The following ADAM20 variants were observed in gnomAD, a reference collection of about 807,000 sequenced individuals.
ADAM20 encodes the protein disintegrin and metalloproteinase domain-containing protein 20.
For missense variants in ADAM20, 871 were observed against 883.2 expected, an observed-to-expected ratio of 0.99 and a Z score of 0.18; for synonymous variants, 305 against 310.2, an observed-to-expected ratio of 0.98 and a Z score of 0.18.
At chr14:70,570,601 G>A in the ADAM20 span, among the ~76,000 whole-genome samples, 1 of 152,018 alleles carries the variant, frequency 6.6e-6, no homozygotes. Context: ...ACAGACGAAT[G>A]AGTTAGATAA....
the ADAM20 span, among the ~76,000 whole-genome samples, chr14:70,545,333 C>T: frequency 3.3e-5 from 5 of 152,134 alleles, no homozygotes; most frequent in African/African-American, 4.8e-5. Context: ...AATCTGCGCA[C>T]TTGGGAGAGG....
At chr14:70,534,030 C>T (rs537620266) in intron 1 of ADAM20, among the ~76,000 whole-genome samples, 115 of 140,548 alleles carry the variant, frequency 8.2e-4, no homozygotes, top group Admixed American at 1.7e-3. Flanking sequence ...TTGCAGTGAG[C>T]CAAGATTGGG....
the ADAM20 span, among the ~76,000 whole-genome samples, chr14:70,553,606 T>A: frequency 6.7e-6 from 1 of 149,078 alleles, no homozygotes; most frequent in Admixed American, 6.7e-5. Context: ...CCAAGCAGGA[T>A]TTATCACTGG....
the ADAM20 span, among the ~76,000 whole-genome samples, chr14:70,568,271 T>C: frequency 6.6e-6 from 1 of 152,174 alleles, no homozygotes; most frequent in African/African-American, 2.4e-5. Context: ...ACAACCAACG[T>C]ACCCATATAC....
At chr14:70,533,679 G>A (rs1051116120) in intron 1 of ADAM20, among the ~76,000 whole-genome samples, 14 of 151,814 alleles carry the variant, frequency 9.2e-5, no homozygotes, top group African/African-American at 3.4e-4. Flanking sequence ...ATGATGGGTT[G>A]ATGGGTGCAG....
At chr14:70,566,732 C>T in the ADAM20 span, among the ~76,000 whole-genome samples, 1 of 152,132 alleles carries the variant, frequency 6.6e-6, no homozygotes, top group South Asian at 2.1e-4. Context: ...GTAATCACAG[C>T]ATTTTGGGAG....
intron 1 of ADAM20, among the ~76,000 whole-genome samples, chr14:70,534,479 G>A (rs549429244): frequency 2.0e-5 from 3 of 152,070 alleles, no homozygotes; most frequent in Admixed American, 1.3e-4. Context: ...CCCAACAGAC[G>A]CATGGCCCAA....
At chr14:70,569,900 A>C in the ADAM20 span, among the ~76,000 whole-genome samples, 1 of 147,306 alleles carries the variant, frequency 6.8e-6, no homozygotes, top group Admixed American at 6.7e-5. Flanking sequence ...AAAAAAAAAA[A>C]AAAAAAAAAA....
the ADAM20 span, among the ~76,000 whole-genome samples, chr14:70,578,971 A>C: frequency 6.6e-6 from 1 of 152,160 alleles, no homozygotes; most frequent in African/African-American, 2.4e-5. Context: ...TAATTTGCTT[A>C]GGATGATGGC....
chr14:70,547,054 G>A, the ADAM20 span, among the ~76,000 whole-genome samples: 1 of 152,162 alleles, frequency 6.6e-6, no homozygotes, highest in African/African-American at 2.4e-5. Flanking sequence ...GATCATTAGT[G>A]GCTACTATGA....
chr14:70,563,970 A>C, the ADAM20 span, among the ~76,000 whole-genome samples: 1 of 152,226 alleles, frequency 6.6e-6, no homozygotes, highest in African/African-American at 2.4e-5. Context: ...TCCCTCCCCC[A>C]AACTGGCTTA....
chr14:70,523,764 T>C lies in ADAM20; in HGVS notation c.994A>G (p.Arg332Gly). Residue 332 changes from arginine to glycine, a missense_variant, in exon 2 of 2, where the codon AGG becomes GGG. Transcript: ENST00000256389. The stretch of plus-strand genomic sequence containing the variant: ...AAAGTAATTGCAAAAACGACCAACC[T>C]GTTGTCTTCAAAAACATCAACTCCA... Reference protein sequence around the residue: ...NTGVDVFEDNRLVVFAITLGH... With the variant: ...NTGVDVFEDNGLVVFAITLGH... 1.2e-6 allele frequency: 2 copies of C among 1,614,082 alleles called. No homozygotes were observed. The highest frequency in any genetic ancestry group is 1.7e-6 in the Non-Finnish European group (2 of 1,179,970).
At chr14:70,554,987 T>C in the ADAM20 span, among the ~76,000 whole-genome samples, 2 of 152,184 alleles carry the variant, frequency 1.3e-5, no homozygotes, top group Non-Finnish European at 2.9e-5. Context: ...GAATATTCCA[T>C]TGGTTGCTTC....
At chr14:70,528,892 T>A (rs1282052869) in intron 1 of ADAM20, among the ~76,000 whole-genome samples, 1 of 152,084 alleles carries the variant, frequency 6.6e-6, no homozygotes, top group Non-Finnish European at 1.5e-5. Flanking sequence ...GTAGTAAAAA[T>A]AATTTCATAT....
chr14:70,522,979 G>A lies in ADAM20; in HGVS notation c.1779C>T (p.Gly593=). 1 of 1,614,004 alleles carries A rather than the reference G, an allele frequency of 6.2e-7. No individual in the cohort carries two copies. The highest frequency in any genetic ancestry group is 2.2e-5 in the East Asian group (1 of 44,878). ...QFHLNDTTCW[G]TDYHLGMAIP... The stretch of plus-strand genomic sequence containing the variant: ...TAGCCATCCCTAAATGATAATCAGT[G>A]CCCCAGCAAGTGGTGTCATTGAGGT... Residue 593 remains glycine, a synonymous_variant, in exon 2 of 2, where the codon GGC becomes GGT. Coordinates refer to ENST00000256389, the MANE Select transcript of ADAM20 (RefSeq NM_003814.5).
chr14:70,577,610 A>G, the ADAM20 span, among the ~76,000 whole-genome samples: 4 of 152,120 alleles, frequency 2.6e-5, no homozygotes, highest in Non-Finnish European at 5.9e-5. Context: ...TTGAAACATA[A>G]CAAAATTGGA....
upstream of ADAM20, among the ~76,000 whole-genome samples, chr14:70,537,442 A>G (rs1329929653): frequency 1.3e-5 from 2 of 152,170 alleles, no homozygotes; most frequent in African/African-American, 2.4e-5. Flanking sequence ...TCGGCCACTA[A>G]TTCAGCCAGC....
At position 70,524,103 on chromosome 14, in the gene ADAM20, T is replaced by G. The variant is rs1305049478; in HGVS notation, c.655A>C (p.Arg219=). The G allele has an allele frequency of 1.2e-6, 2 of 1,613,906 alleles. No individual in the cohort carries two copies. Among genetic ancestry groups the G allele is most frequent in the Non-Finnish European group, 1.7e-6 (2 of 1,179,960 alleles). Residue 219 remains arginine, a synonymous_variant, in exon 2 of 2, where the codon AGA becomes CGA. Transcript: ENST00000256389. The part of the protein sequence containing the change: ...VELVVVVDNI[R]YLFSQSNATT... ...GCATTACTTTGAGAGAAAAGATATC[T>G]AATATTATCCACGACCACTACCAGC...
At position 70,524,386 on chromosome 14, in the gene ADAM20, G is replaced by C; in HGVS notation, c.372C>G (p.Ala124=). Residue 124 remains alanine, a synonymous_variant, in exon 2 of 2, where the codon GCC becomes GCG. Coordinates refer to ENST00000256389, the MANE Select transcript of ADAM20 (RefSeq NM_003814.5). ...YVEGVPESLV[A]LSTCSGGFLG... ...GAAAGCCCCCAGAACAGGTACTAAG[G>C]GCAACCAAGGACTCAGGGACCCCCT... is the stretch of plus-strand genomic sequence containing the variant. 6.2e-7 allele frequency: 1 copy of C among 1,613,934 alleles called. No homozygotes were observed. Among genetic ancestry groups the C allele is most frequent in the Non-Finnish European group, 8.5e-7 (1 of 1,179,932 alleles).
Sources: gnomAD v4.1 joint callset for allele counts (sites outside exome capture counted in the v4.1 genomes callset) on GRCh38, gnomAD v4.1.1 for gene constraint, MANE v1.5 for transcripts, NCBI Gene and HGNC (gene_info 2026-07-23, HGNC 2026-07-21) for gene names.